Variants in PEAK1 observed in about 807,000 individuals in gnomAD.
PEAK1 encodes the protein inactive tyrosine-protein kinase PEAK1.
In PEAK1, 54 loss-of-function variants were observed where a neutral mutation model predicts 124.7. That is an observed-to-expected ratio of 0.43 (90% confidence interval 0.35 to 0.54). The LOEUF is 0.54. Ranked by LOEUF, PEAK1 falls within the 20% of genes least tolerant of loss-of-function variation. The pLI is 0.01. For synonymous variants in PEAK1, 719 were observed against 760.0 expected, an observed-to-expected ratio of 0.95 and a Z score of 0.89; for missense variants, 2,046 against 2,134.5, an observed-to-expected ratio of 0.96 and a Z score of 0.82.
At chr15:77,247,100 A>T (rs935999400) in intron 6 of PEAK1, among the ~76,000 whole-genome samples, 1 of 152,216 alleles carries the variant, frequency 6.6e-6, no homozygotes, top group Admixed American at 6.5e-5. Context: ...ACCACTTATC[A>T]TTAGTTCTAG....
In PEAK1 at chr15:77,349,825, GGA is replaced by G. The variant is rs1001894113; in HGVS notation, c.-603+15336_-603+15337del. On this transcript the variant is annotated intron_variant, in intron 2 of 9. Transcript: ENST00000682557. The stretch of plus-strand genomic sequence containing the variant: ...TTGCAGCTGAGGGGACAGCCAGGCT[GGA>G]AAACTAATTAAAAGAAAAGGATTCA... 9 of 985,250 alleles carry G rather than the reference GGA, an allele frequency of 9.1e-6. No homozygotes were observed. In the African/African-American group the frequency reaches 1.4e-4, roughly 15 times the overall value. 61.0% of individuals were successfully genotyped at this position (985,250 alleles called of 1,614,324 possible).
At chr15:77,226,424 T>C (rs2059680334) in intron 6 of PEAK1, among the ~76,000 whole-genome samples, 1 of 151,990 alleles carries the variant, frequency 6.6e-6, no homozygotes, top group Non-Finnish European at 1.5e-5. Flanking sequence ...AGTAAGTTTA[T>C]GTCCCAAGTT....
In PEAK1 at chr15:77,291,976, CAAA is replaced by C. The variant is rs34817180; in HGVS notation, c.-602-5475_-602-5473del. Among the ~76,000 whole-genome samples, 502 of 107,584 alleles carry C rather than the reference CAAA, an allele frequency of 4.7e-3. 3 individuals are homozygous for C. Among genetic ancestry groups the C allele is most frequent in the African/African-American group, 0.013 (370 of 27,740 alleles). The allele number at this position is 107,584 out of a possible 152,430, so 70.6% of individuals were successfully genotyped here. A position where few individuals can be genotyped will look rare whatever the true frequency, so the allele number is the denominator to read the frequency against. Reference sequence around the variant, plus strand: ...TGGGCGACGGAGCAAGACTCCGTCTCAAAAAAAAAAAAAAAAAAGAGTTATATA... The same window carrying C: ...TGGGCGACGGAGCAAGACTCCGTCTCAAAAAAAAAAAAAAAGAGTTATATA... On this transcript the variant is annotated intron_variant, in intron 2 of 9. Coordinates refer to ENST00000682557, the MANE Select transcript of PEAK1 (RefSeq NM_001385026.1).
chr15:77,331,863 G>GC (rs2065908432), intron 2 of PEAK1, among the ~76,000 whole-genome samples: 1 of 151,866 alleles, frequency 6.6e-6, no homozygotes, highest in African/African-American at 2.4e-5. Flanking sequence ...TGATCTGCCT[G>GC]CCTTGGCCTC....
At chr15:77,297,885 C>T (rs2063569627) in intron 2 of PEAK1, among the ~76,000 whole-genome samples, 1 of 149,708 alleles carries the variant, frequency 6.7e-6, no homozygotes, top group East Asian at 2.0e-4. Context: ...GGTGAAACCC[C>T]GTCTCTACTA....
intron 2 of PEAK1, chr15:77,335,443 T>C: frequency 5.1e-6 from 5 of 985,386 alleles, no homozygotes; most frequent in Non-Finnish European, 6.0e-6. Flanking sequence ...TGCCCAATAC[T>C]GTTGTCTGTA....
intron 1 of PEAK1, chr15:77,381,303 T>C: frequency 2.3e-6 from 2 of 886,596 alleles, no homozygotes; most frequent in Non-Finnish European, 2.7e-6. Flanking sequence ...TAGTTCAAGT[T>C]ACGTGGGAGA....
chr15:77,361,767 T>C (rs564907857), intron 2 of PEAK1, among the ~76,000 whole-genome samples: 2 of 152,092 alleles, frequency 1.3e-5, no homozygotes, highest in Admixed American at 6.6e-5. Flanking sequence ...AAAGAGACAT[T>C]TGCACCTCCG....
chr15:77,119,396 G>C (rs1392577735), intron 9 of PEAK1, among the ~76,000 whole-genome samples: 3 of 152,202 alleles, frequency 2.0e-5, no homozygotes, highest in African/African-American at 7.2e-5. Flanking sequence ...AGTGAGGACA[G>C]AGAAGGGAAA....
At chr15:77,413,499 C>T (rs1287357967) in intron 1 of PEAK1, among the ~76,000 whole-genome samples, 2 of 152,078 alleles carry the variant, frequency 1.3e-5, no homozygotes, top group Non-Finnish European at 2.9e-5. Context: ...ATCCATAACC[C>T]CAATCTAATC....
intron 6 of PEAK1, among the ~76,000 whole-genome samples, chr15:77,228,104 T>C (rs1295485445): frequency 6.6e-6 from 1 of 151,976 alleles, no homozygotes; most frequent in Non-Finnish European, 1.5e-5. Context: ...TTTTTTATTA[T>C]TTCTATTTTT....
intron 1 of PEAK1, among the ~76,000 whole-genome samples, chr15:77,367,217 A>G (rs1383419022): frequency 6.6e-6 from 1 of 152,226 alleles, no homozygotes; most frequent in Non-Finnish European, 1.5e-5. Context: ...CTGCTTATCA[A>G]AGATGCTTAA....
At chr15:77,205,530 T>C (rs2058597393) in intron 6 of PEAK1, among the ~76,000 whole-genome samples, 9 of 152,182 alleles carry the variant, frequency 5.9e-5, no homozygotes, top group Admixed American at 5.9e-4. Flanking sequence ...TATAGCAGAA[T>C]TGATTCCTAA....
Position 77,258,343 on chromosome 15 carries a change from T to G in PEAK1, c.-274-5817A>C, listed in dbSNP as rs142220597. On this transcript the variant is annotated intron_variant, in intron 5 of 9. Coordinates refer to ENST00000682557, the MANE Select transcript of PEAK1 (RefSeq NM_001385026.1). ...AGTATGGCCTTTTTCATGATATTGATTCTTCCTACCCATGAGCGTGGAATG... is the reference window on the plus strand; with the variant it reads ...AGTATGGCCTTTTTCATGATATTGAGTCTTCCTACCCATGAGCGTGGAATG... Among the ~76,000 whole-genome samples the G allele has an allele frequency of 2.0e-4, 30 of 152,338 alleles. No homozygotes were observed. The East Asian group carries it at 3.9e-3, about 20-fold the overall frequency.
chr15:77,267,436 CCAGGAACCCT>C (rs907818416), intron 5 of PEAK1, among the ~76,000 whole-genome samples: 33 of 152,260 alleles, frequency 2.2e-4, no homozygotes, highest in African/African-American at 7.5e-4. Flanking sequence ...AAAAATACAA[CCAGGAACCCT>C]CATAGTATCC....
intron 5 of PEAK1, among the ~76,000 whole-genome samples, chr15:77,267,755 G>A (rs1281185762): frequency 2.0e-5 from 3 of 152,014 alleles, no homozygotes; most frequent in South Asian, 4.1e-4. Context: ...TAGTATACCC[G>A]AATAAGAAGG....
intron 8 of PEAK1, among the ~76,000 whole-genome samples, chr15:77,154,061 A>G (rs889407288): frequency 1.3e-5 from 2 of 152,096 alleles, no homozygotes; most frequent in African/African-American, 4.8e-5. Context: ...TGTCTCGTTG[A>G]TCTGTCTAAT....
At chr15:77,371,870 G>C (rs12910480) in intron 1 of PEAK1, among the ~76,000 whole-genome samples, 99,769 of 152,172 alleles carry the variant, frequency 0.66, 33,694 homozygotes, top group Non-Finnish European at 0.75. Context: ...GGAGACAGAG[G>C]AAGACTCTGT....
intron 2 of PEAK1, chr15:77,349,559 A>T: frequency 2.0e-6 from 2 of 984,578 alleles, no homozygotes; most frequent in Non-Finnish European, 1.2e-6. Flanking sequence ...GATTATTTAA[A>T]CCAGATAGGT....
Sources: gnomAD v4.1 joint callset for allele counts (sites outside exome capture counted in the v4.1 genomes callset) on GRCh38, gnomAD v4.1.1 for gene constraint, MANE v1.5 for transcripts, NCBI Gene and HGNC (gene_info 2026-07-23, HGNC 2026-07-21) for gene names.